Variants in CNTNAP2 observed in about 807,000 individuals in gnomAD.
The protein encoded by CNTNAP2 is contactin associated protein 2.
In CNTNAP2, 98 loss-of-function variants were observed where a neutral mutation model predicts 155.2. The ratio of observed to expected loss-of-function variants is 0.63; its 90% CI spans 0.54 to 0.75. The LOEUF is 0.75. CNTNAP2 is among the 30% of genes least tolerant of loss of function. CNTNAP2 has a pLI of 0.00. For missense variants in CNTNAP2, 1,727 were observed against 1,688.1 expected, an observed-to-expected ratio of 1.02 and a Z score of -0.40; for synonymous variants, 651 against 631.2, an observed-to-expected ratio of 1.03 and a Z score of -0.47.
chr7:148,122,444 A>G (rs1342919435), intron 16 of CNTNAP2, among the ~76,000 whole-genome samples: 1 of 152,200 alleles, frequency 6.6e-6, no homozygotes, highest in African/African-American at 2.4e-5. Flanking sequence ...GAAGAACAGG[A>G]GCCAGGGAAA....
chr7:147,676,540 C>T (rs1290719087), intron 13 of CNTNAP2, among the ~76,000 whole-genome samples: 3 of 151,838 alleles, frequency 2.0e-5, no homozygotes, highest in African/African-American at 7.3e-5. Context: ...ATTCTCTTAG[C>T]ATTGTTTAAG....
At chr7:146,923,212 T>C (rs1028927138) in intron 3 of CNTNAP2, among the ~76,000 whole-genome samples, 1 of 152,198 alleles carries the variant, frequency 6.6e-6, no homozygotes, top group Non-Finnish European at 1.5e-5. Context: ...ATGTTTAGCA[T>C]AGTGTCTGGT....
intron 1 of CNTNAP2, among the ~76,000 whole-genome samples, chr7:146,760,987 C>A (rs10487920): frequency 0.18 from 27,735 of 151,962 alleles, 2,730 homozygotes; most frequent in South Asian, 0.29. Context: ...GTATCCAATA[C>A]AGATTTGTTG....
At chr7:147,403,756 C>T (rs942490835) in intron 10 of CNTNAP2, among the ~76,000 whole-genome samples, 46 of 152,200 alleles carry the variant, frequency 3.0e-4, no homozygotes, top group African/African-American at 1.1e-3. Context: ...GGTGAATTAT[C>T]CCAGAACCTA....
At chr7:146,954,283 A>G (rs1797386986) in intron 3 of CNTNAP2, among the ~76,000 whole-genome samples, 1 of 152,088 alleles carries the variant, frequency 6.6e-6, no homozygotes, top group East Asian at 1.9e-4. Flanking sequence ...GACACACAGC[A>G]GATACATGTT....
At chr7:147,267,790 G>A (rs1032943895) in intron 8 of CNTNAP2, among the ~76,000 whole-genome samples, 2 of 152,082 alleles carry the variant, frequency 1.3e-5, no homozygotes, top group African/African-American at 2.4e-5. Context: ...GTGTGTTTTC[G>A]ATTATAAAAA....
At chr7:146,520,221 C>G (rs1240445141) in intron 1 of CNTNAP2, among the ~76,000 whole-genome samples, 1 of 149,486 alleles carries the variant, frequency 6.7e-6, no homozygotes, top group Non-Finnish European at 1.5e-5. Flanking sequence ...GCAAAAAAAT[C>G]TACTAATTTT....
At chr7:148,300,027 G>C (rs768218293) in intron 21 of CNTNAP2, among the ~76,000 whole-genome samples, 1 of 152,174 alleles carries the variant, frequency 6.6e-6, no homozygotes, top group Non-Finnish European at 1.5e-5. Flanking sequence ...AATTCACCTT[G>C]AGAGAGTTGA....
intron 21 of CNTNAP2, among the ~76,000 whole-genome samples, chr7:148,334,378 G>C (rs1488089846): frequency 6.6e-6 from 1 of 152,176 alleles, no homozygotes. Flanking sequence ...CAATCGGGTG[G>C]CCTACCATGT....
At chr7:147,871,680 C>T (rs1449150181) in intron 13 of CNTNAP2, among the ~76,000 whole-genome samples, 4 of 150,370 alleles carry the variant, frequency 2.7e-5, no homozygotes, top group Admixed American at 2.6e-4. Flanking sequence ...TTTTTTGCCC[C>T]TTTTTTTAAC....
intron 8 of CNTNAP2, among the ~76,000 whole-genome samples, chr7:147,237,012 C>CCACCTATCAT (rs1803820878): frequency 6.7e-6 from 1 of 148,280 alleles, no homozygotes; most frequent in Non-Finnish European, 1.5e-5. Context: ...GCGTATCTAG[C>CCACCTATCAT]CACCTATCAT....
intron 1 of CNTNAP2, among the ~76,000 whole-genome samples, chr7:146,644,418 G>A (rs1379591283): frequency 6.6e-6 from 1 of 152,026 alleles, no homozygotes; most frequent in Admixed American, 6.6e-5. Context: ...ATAATCATGT[G>A]GTTTTTGTCT....
intron 20 of CNTNAP2, among the ~76,000 whole-genome samples, chr7:148,240,228 C>G (rs1585210078): frequency 6.6e-6 from 1 of 152,212 alleles, no homozygotes; most frequent in East Asian, 1.9e-4. Flanking sequence ...CAGTAGGTGA[C>G]TCATACAGGG....
chr7:148,060,059 C>A lies in CNTNAP2; in HGVS notation c.2384-58059C>A, dbSNP rs1394681949. On this transcript the variant is annotated intron_variant, in intron 15 of 23. Transcript: ENST00000361727. ...AGAGTTTTTGAACTTCTAAGCTGTA[C>A]CACACAGAAATGCCATAACACTCAT... Among the ~76,000 whole-genome samples the A allele has an allele frequency of 2.6e-5, 4 of 152,016 alleles. No homozygotes were observed. The East Asian group carries it at 7.7e-4, about 29-fold the overall frequency.
At chr7:148,310,215 G>T (rs1357967725) in intron 21 of CNTNAP2, among the ~76,000 whole-genome samples, 1 of 152,188 alleles carries the variant, frequency 6.6e-6, no homozygotes, top group African/African-American at 2.4e-5. Context: ...TTACTTACTT[G>T]GTTGGCAAGT....
intron 3 of CNTNAP2, among the ~76,000 whole-genome samples, chr7:146,893,890 C>CA (rs776035169): frequency 6.6e-5 from 10 of 152,184 alleles, no homozygotes; most frequent in Non-Finnish European, 1.3e-4. Flanking sequence ...TCAAAGATGA[C>CA]ATCCTGCCTC....
At chr7:146,527,015 A>G (rs1254902121) in intron 1 of CNTNAP2, among the ~76,000 whole-genome samples, 1 of 151,912 alleles carries the variant, frequency 6.6e-6, no homozygotes, top group Non-Finnish European at 1.5e-5. Context: ...CGGCCTCCCA[A>G]AGTGCTGGGA....
At chr7:147,269,594 T>G (rs1457115520) in intron 8 of CNTNAP2, among the ~76,000 whole-genome samples, 1 of 152,224 alleles carries the variant, frequency 6.6e-6, no homozygotes, top group Non-Finnish European at 1.5e-5. Flanking sequence ...ACATGTTTGC[T>G]ATATTCCTCT....
chr7:147,798,421 G>A (rs1260328263), intron 13 of CNTNAP2, among the ~76,000 whole-genome samples: 1 of 152,110 alleles, frequency 6.6e-6, no homozygotes, highest in Non-Finnish European at 1.5e-5. Context: ...CAAATAAAAA[G>A]CTGTTCAGAG....
Sources: gnomAD v4.1 joint callset for allele counts (sites outside exome capture counted in the v4.1 genomes callset) on GRCh38, gnomAD v4.1.1 for gene constraint, MANE v1.5 for transcripts, NCBI Gene and HGNC (gene_info 2026-07-23, HGNC 2026-07-21) for gene names.